The following EHMT1 variants were observed in gnomAD, a reference collection of about 807,000 sequenced individuals.
EHMT1 encodes histone-lysine N-methyltransferase EHMT1.
A neutral mutation model predicts 147.2 loss-of-function variants in EHMT1; 15 were observed. That is an observed-to-expected ratio of 0.10 (90% CI 0.07 to 0.16). The LOEUF (loss-of-function observed/expected upper bound fraction) is 0.16, where lower values mean the gene tolerates loss of function less well. Among genes scored for constraint, EHMT1 ranks in the 10% least tolerant of loss-of-function variants. The pLI is 1.00. For synonymous variants in EHMT1, 795 were observed against 709.6 expected, an observed-to-expected ratio of 1.12 and a Z score of -1.91; for missense variants, 1,587 against 1,772.4, an observed-to-expected ratio of 0.90 and a Z score of 1.88.
intron 4 of EHMT1, among the ~76,000 whole-genome samples, chr9:137,737,627 A>G (rs1045683026): frequency 6.6e-6 from 1 of 152,186 alleles, no homozygotes; most frequent in African/African-American, 2.4e-5. Flanking sequence ...TGACACCAAA[A>G]GTGTAGGTAA....
Position 137,778,970 on chromosome 9 carries a change from G to T in EHMT1, c.2193-665G>T, listed in dbSNP as rs577289633. On this transcript the variant is annotated intron_variant, in intron 13 of 26. Transcript: ENST00000460843. ...CCAGACTCTTAAGCGACCAGATCTT[G>T]TGGGAACTGACTGAGCGGGAACTCA... 8.5e-5 allele frequency among the ~76,000 whole-genome samples: 13 copies of T among 152,302 alleles called. No homozygotes were observed. In the East Asian group the frequency reaches 2.5e-3, roughly 29 times the overall value.
At chr9:137,658,425 A>G (rs1438644447) in intron 1 of EHMT1, among the ~76,000 whole-genome samples, 3 of 152,148 alleles carry the variant, frequency 2.0e-5, no homozygotes, top group Non-Finnish European at 4.4e-5. Flanking sequence ...TGCTGGGATT[A>G]GAAGCGTGAG....
intron 8 of EHMT1, 146 bp from the exon 9 acceptor site, chr9:137,757,734 A>G (rs569947016): frequency 2.5e-6 from 3 of 1,196,484 alleles, no homozygotes; most frequent in Non-Finnish European, 1.2e-6. Flanking sequence ...AATGGTCTAA[A>G]CCATAGTGGG....
At chr9:137,736,088 G>C (rs1283485028) in intron 4 of EHMT1, among the ~76,000 whole-genome samples, 4 of 152,186 alleles carry the variant, frequency 2.6e-5, no homozygotes, top group Non-Finnish European at 5.9e-5. Flanking sequence ...GACAGAAATA[G>C]ATTGAAAGTG....
chr9:137,698,499 AT>A (rs1322791383), intron 1 of EHMT1, among the ~76,000 whole-genome samples: 2 of 152,174 alleles, frequency 1.3e-5, no homozygotes, highest in Non-Finnish European at 2.9e-5. Context: ...CGCTGAAAGG[AT>A]TTTTAAAGCT....
In EHMT1 at chr9:137,775,709, C is replaced by T. The variant is rs1950905361; in HGVS notation, c.1791+457C>T. Reference sequence around the variant, plus strand: ...CCATGATAAGGGTGTCCAGAGCACACAGCTCCTGGGAGAGGTGGCAGCACC... The same window carrying T: ...CCATGATAAGGGTGTCCAGAGCACATAGCTCCTGGGAGAGGTGGCAGCACC... On this transcript the variant is annotated intron_variant, in intron 11 of 26. Transcript: ENST00000460843. The surrounding 1 kb of genome is among the most constrained non-coding windows in gnomAD (Gnocchi z 6.1). Among the ~76,000 whole-genome samples the T allele has an allele frequency of 6.6e-6, 1 of 152,026 alleles. No homozygotes were observed. The highest frequency in any genetic ancestry group is 2.1e-4 in the South Asian group (1 of 4,822).
At chr9:137,628,679 G>A (rs1843422801) in intron 1 of EHMT1, among the ~76,000 whole-genome samples, 1 of 152,218 alleles carries the variant, frequency 6.6e-6, no homozygotes, top group African/African-American at 2.4e-5. Context: ...ATCTTACTAT[G>A]TCAGTTGTTG....
At chr9:137,779,328 G>A (rs1031024015) in intron 13 of EHMT1, among the ~76,000 whole-genome samples, 1 of 152,244 alleles carries the variant, frequency 6.6e-6, no homozygotes, top group Non-Finnish European at 1.5e-5. Context: ...TGCATCCTGC[G>A]CTGGTTCTGT....
At chr9:137,771,618 CGAGCACCT>C (rs909587726) in intron 10 of EHMT1, among the ~76,000 whole-genome samples, 2 of 152,150 alleles carry the variant, frequency 1.3e-5, no homozygotes, top group Non-Finnish European at 2.9e-5. Flanking sequence ...TCACCACAGG[CGAGCACCT>C]TGCTGGACGA....
chr9:137,822,888 T>C (rs1286152363), intron 25 of EHMT1, among the ~76,000 whole-genome samples: 1 of 143,126 alleles, frequency 7.0e-6, no homozygotes, highest in Non-Finnish European at 1.5e-5. Flanking sequence ...GAGCAAAACT[T>C]CATCTCGAAA....
intron 1 of EHMT1, among the ~76,000 whole-genome samples, chr9:137,637,342 A>G (rs961784425): frequency 2.7e-5 from 4 of 150,050 alleles, no homozygotes; most frequent in Non-Finnish European, 5.9e-5. Flanking sequence ...TGCCAGGCTA[A>G]TTTTGTATTT....
At chr9:137,759,978 A>G (rs1588564201) in intron 9 of EHMT1, among the ~76,000 whole-genome samples, 1 of 152,204 alleles carries the variant, frequency 6.6e-6, no homozygotes, top group East Asian at 1.9e-4. Flanking sequence ...TATGAAGATG[A>G]GAAGTCCTCT....
In EHMT1 at chr9:137,790,949, T is replaced by A. The variant is rs1952476698; in HGVS notation, c.2484T>A (p.Ala828=). ...HLEAVKYLIK[A]GALVDPKDAE... ...AAGCAGTGAAGTACCTCATCAAGGC[T>A]GGGGCCCTGGTGGATCCCAAGGTAT... Residue 828 remains alanine (A), a synonymous_variant, in exon 16 of 27, where the codon GCT becomes GCA. Transcript: ENST00000460843. 6.2e-7 allele frequency: 1 copy of A among 1,614,172 alleles called. No homozygotes were observed. Among genetic ancestry groups the A allele is most frequent in the Non-Finnish European group, 8.5e-7 (1 of 1,180,038 alleles).
intron 10 of EHMT1, 137 bp downstream of exon 10, chr9:137,762,957 C>G: frequency 8.9e-7 from 1 of 1,121,578 alleles, no homozygotes; most frequent in South Asian, 1.3e-5. Context: ...CTGCGCAGAA[C>G]CAATCGAGCA....
chr9:137,802,600 G>A (rs1468360663), intron 18 of EHMT1: 2 of 400,622 alleles, frequency 5.0e-6, no homozygotes, highest in Non-Finnish European at 8.7e-6. Context: ...GCGTGGGCAC[G>A]GGCCCTTGCC....
chr9:137,667,703 T>C (rs750982174), intron 1 of EHMT1, among the ~76,000 whole-genome samples: 21 of 152,182 alleles, frequency 1.4e-4, no homozygotes, highest in Non-Finnish European at 1.8e-4. Flanking sequence ...GAAAAGTTCA[T>C]GTAAAGTAGA....
Position 137,766,939 on chromosome 9 carries a change from T to A in EHMT1, c.1647+4119T>A, listed in dbSNP as rs145440446. On this transcript the variant is annotated intron_variant, in intron 10 of 26. Transcript: ENST00000460843. Reference sequence around the variant, plus strand: ...CTCAGGTGATTCTCCCAGCTGAGCCTCCCGAGTGGCTGGGACTACAGGCAT... The same window carrying A: ...CTCAGGTGATTCTCCCAGCTGAGCCACCCGAGTGGCTGGGACTACAGGCAT... Among the ~76,000 whole-genome samples, 8 of 152,142 alleles carry A rather than the reference T, an allele frequency of 5.3e-5. No individual in the cohort carries two copies. In the East Asian group the frequency reaches 1.5e-3, roughly 29 times the overall value.
chr9:137,759,569 A>C (rs1949646292), intron 9 of EHMT1, among the ~76,000 whole-genome samples: 1 of 152,226 alleles, frequency 6.6e-6, no homozygotes, highest in African/African-American at 2.4e-5. Context: ...GCCAACACAA[A>C]GCCGGAGGAG....
At chr9:137,788,387 G>A (rs1588712579) in intron 15 of EHMT1, 1 of 319,184 alleles carries the variant, frequency 3.1e-6, no homozygotes, top group Non-Finnish European at 5.7e-6. Context: ...CAGCCGGGGT[G>A]ACGCTCACGC....
Sources: allele counts gnomAD v4.1 joint callset (sites outside exome capture counted in the v4.1 genomes callset), GRCh38; gene constraint gnomAD v4.1.1; non-coding constraint Gnocchi (gnomAD v3.1); transcripts MANE v1.5; gene names NCBI Gene and HGNC (gene_info 2026-07-23, HGNC 2026-07-21).